CSF2RA: variants seen among roughly 807,000 people sequenced by gnomAD.
CSF2RA encodes colony stimulating factor 2 receptor subunit alpha, also known as granulocyte-macrophage colony-stimulating factor receptor subunit alpha.
CSF2RA carries 42 observed loss-of-function variants against 51.6 expected under a neutral mutation model. The observed-to-expected ratio is 0.81, with a 90% CI of 0.64 to 1.05. CSF2RA has a LOEUF of 1.05. Among genes scored for constraint, CSF2RA ranks in the 50% least tolerant of loss-of-function variants. The pLI is 0.00. For synonymous variants in CSF2RA, 222 were observed against 193.0 expected (o/e 1.15, Z -1.24); for missense variants, 530 against 501.1 (o/e 1.06, Z -0.55).
Position 1,268,861 on chromosome X carries a change from G to A in CSF2RA, c.-109G>A, listed in dbSNP as rs776722334. On this transcript the variant is annotated 5_prime_UTR_variant, in exon 1 of 13. Transcript: ENST00000381529. ...GAGAAGAAAAGCAGGTGGAAGGAGA[G>A]GAAGCGGATGCCGTGGGGGTAAGCT... 3 of 454,118 alleles carry A rather than the reference G, an allele frequency of 6.6e-6. No individual in the cohort carries two copies. Among genetic ancestry groups the A allele is most frequent in the East Asian group, 6.9e-5 (1 of 14,390 alleles). 28.1% of individuals were successfully genotyped at this position (454,118 alleles called of 1,614,324 possible).
At chrX:1,311,277 AG>A (rs1401832948), downstream of CSF2RA, among the ~76,000 whole-genome samples, 904 of 150,488 alleles carry the variant, frequency 6.0e-3, 9 homozygotes, top group Middle Eastern at 0.034. Context: ...AAAGAAAAAG[AG>A]GCTGGTACCT....
chrX:1,279,913 C>T (rs371114263), intron 2 of CSF2RA, among the ~76,000 whole-genome samples: 1 of 151,932 alleles, frequency 6.6e-6, no homozygotes, highest in Non-Finnish European at 1.5e-5. Context: ...CCTCAACCTC[C>T]CGAGTAGCTG....
At chrX:1,300,866 G>C (rs2092320265) in intron 10 of CSF2RA, among the ~76,000 whole-genome samples, 1 of 152,000 alleles carries the variant, frequency 6.6e-6, no homozygotes. Flanking sequence ...TTAATAACCA[G>C]AGAAGGGCCA....
At chrX:1,315,377 T>A (rs1195408020), downstream of CSF2RA, among the ~76,000 whole-genome samples, 2 of 152,058 alleles carry the variant, frequency 1.3e-5, no homozygotes, top group East Asian at 3.9e-4. Flanking sequence ...AGATATTTGA[T>A]AGATAGATGA....
the CSF2RA span, among the ~76,000 whole-genome samples, chrX:1,320,893 A>C: frequency 6.7e-6 from 1 of 149,796 alleles, no homozygotes; most frequent in Non-Finnish European, 1.5e-5. Flanking sequence ...AAGTTCGAGT[A>C]CAGTGGCGCG....
At chrX:1,275,084 C>A (rs2088992736) in intron 2 of CSF2RA, among the ~76,000 whole-genome samples, 1 of 100,046 alleles carries the variant, frequency 1.0e-5, no homozygotes. Flanking sequence ...ACGCATGAAC[C>A]TGTCAAAAAA....
the CSF2RA span, among the ~76,000 whole-genome samples, chrX:1,321,266 G>A: frequency 1.3e-5 from 2 of 151,952 alleles, no homozygotes; most frequent in Non-Finnish European, 1.5e-5. Flanking sequence ...TCAGGAGATC[G>A]AGACCATCCT....
At position 1,293,441 on chromosome X, in the gene CSF2RA, G is replaced by A. The variant is rs186164047; in HGVS notation, c.647-887G>A. On this transcript the variant is annotated intron_variant, in intron 7 of 12. Transcript: ENST00000381529. The stretch of plus-strand genomic sequence containing the variant: ...TCACCGTGTTAGCCAGGATGGTCTC[G>A]ACCTCCTGACCTCGTGATCCTCCCG... Among the ~76,000 whole-genome samples, 740 of 152,186 alleles carry A rather than the reference G, an allele frequency of 4.9e-3. 13 individuals are homozygous for A. The highest frequency in any genetic ancestry group is 0.017 in the African/African-American group (693 of 41,506).
At position 1,285,778 on chromosome X, in the gene CSF2RA, A is replaced by T. The variant is rs369064973; in HGVS notation, c.77A>T (p.Asp26Val). ...PAFLLIPEKS[D>V]LRTVAPASSL... ...TGAACCCAGTGCCCGCTCCTTGCAG[A>T]TCTGCGAACAGTGGCACCAGCCTCT... Residue 26 changes from aspartate (D) to valine (V), a missense_variant and splice_region_variant, in exon 4 of 13, where the codon GAT becomes GTT. By Grantham distance (152) the Asp-to-Val change is radical. Coordinates refer to ENST00000381529, the MANE Select transcript of CSF2RA (RefSeq NM_172245.4). 1.9e-6 allele frequency: 3 copies of T among 1,612,358 alleles called. No individual in the cohort carries two copies. In the African/African-American group the frequency reaches 4.0e-5, roughly 22 times the overall value.
intron 7 of CSF2RA, among the ~76,000 whole-genome samples, chrX:1,291,689 C>G (rs2091412844): frequency 6.6e-6 from 1 of 151,360 alleles, no homozygotes; most frequent in Admixed American, 6.6e-5. Context: ...CAGTGGGTAT[C>G]TCTCCTGTAC....
chrX:1,319,714 G>GTTTTT, the CSF2RA span, among the ~76,000 whole-genome samples: 3 of 121,318 alleles, frequency 2.5e-5, no homozygotes, highest in African/African-American at 2.9e-5. Context: ...CGCCTTTGCT[G>GTTTTT]TTTTTTTTTT....
chrX:1,307,787 T>TTC lies in CSF2RA; in HGVS notation c.1126-1614_1126-1613dup, dbSNP rs2083797277. ...TCAACTGATTAGATGAGGCCCACCT[T>TTC]TCCCTTTTTAGACCTTTGACTGATT... is the stretch of plus-strand genomic sequence containing the variant. On this transcript the variant is annotated intron_variant, in intron 12 of 12. Transcript: ENST00000381529. Among the ~76,000 whole-genome samples the TTC allele has an allele frequency of 4.3e-5, 6 of 139,814 alleles. 2 individuals carry two copies. Among genetic ancestry groups the TTC allele is most frequent in the Admixed American group, 4.3e-4 (6 of 14,008 alleles). The allele number at this position is 139,814 out of a possible 152,430, so 91.7% of individuals were successfully genotyped here.
chrX:1,285,415 C>T (rs1427095146), intron 3 of CSF2RA, among the ~76,000 whole-genome samples: 2 of 151,744 alleles, frequency 1.3e-5, no homozygotes, highest in Non-Finnish European at 2.9e-5. Flanking sequence ...CAGGGCCGGC[C>T]GGGCACGGTG....
chrX:1,314,080 CTG>C (rs201194063), downstream of CSF2RA, among the ~76,000 whole-genome samples: 2,612 of 152,220 alleles, frequency 0.017, 77 homozygotes, highest in African/African-American at 0.06. Flanking sequence ...CCTAGGATGA[CTG>C]AGGCCCCTGA....
At chrX:1,288,714 G>A (rs762407032) in intron 5 of CSF2RA, 45 bp from the exon 6 acceptor site, 15 of 1,613,780 alleles carry the variant, frequency 9.3e-6, no homozygotes, top group Middle Eastern at 1.6e-4. Context: ...AGTACATCCC[G>A]TTGAACTTCG....
At chrX:1,292,406 C>T (rs1603429702) in intron 7 of CSF2RA, among the ~76,000 whole-genome samples, 4 of 152,080 alleles carry the variant, frequency 2.6e-5, no homozygotes, top group South Asian at 2.1e-4. Flanking sequence ...CCCAGGGGAC[C>T]GGCGCTCAGC....
chrX:1,302,365 A>C (rs1289800574), intron 10 of CSF2RA, among the ~76,000 whole-genome samples: 6 of 152,018 alleles, frequency 3.9e-5, no homozygotes, highest in Non-Finnish European at 7.4e-5. Context: ...AGGGTACAGA[A>C]GAAAAATTGT....
intron 6 of CSF2RA, chrX:1,289,192 C>A: frequency 2.4e-6 from 1 of 420,214 alleles, no homozygotes; most frequent in Non-Finnish European, 4.4e-6. Context: ...GATGTGATCT[C>A]AGCTCCCTGC....
chrX:1,299,044 A>G (rs28438623), intron 9 of CSF2RA, among the ~76,000 whole-genome samples: 121,391 of 151,950 alleles, frequency 0.8, 48,799 homozygotes, highest in Non-Finnish European at 0.84. Context: ...ATCCTGAACC[A>G]GAGGATGCAG....
Sources: allele counts gnomAD v4.1 joint callset (sites outside exome capture counted in the v4.1 genomes callset), GRCh38; gene constraint gnomAD v4.1.1; transcripts MANE v1.5; gene names NCBI Gene and HGNC (gene_info 2026-07-23, HGNC 2026-07-21).